The following SUMF1 variants were observed in gnomAD, a reference collection of about 807,000 sequenced individuals.
The protein encoded by SUMF1 is sulfatase modifying factor 1.
Under a neutral mutation model 47.6 loss-of-function variants are expected in SUMF1, and 48 were observed. That is an observed-to-expected ratio of 1.01 (90% CI 0.80 to 1.28). The LOEUF is 1.28. Ranked by LOEUF, SUMF1 falls within the 50% of genes most tolerant of loss-of-function variation. The pLI is 0.00. For synonymous variants in SUMF1, 230 were observed against 192.1 expected (o/e 1.20, Z -1.63); for missense variants, 571 against 485.4 (o/e 1.18, Z -1.66).
chr3:4,315,779 GC>G (rs1168106028), intron 8 of SUMF1, among the ~76,000 whole-genome samples: 4 of 152,016 alleles, frequency 2.6e-5, no homozygotes, highest in Non-Finnish European at 5.9e-5. Context: ...GGGTGCAGTG[GC>G]TCACACCTGT....
In SUMF1 at chr3:4,039,209, A is replaced by ATTTTTTTT. The variant is rs775459424; in HGVS notation, c.1191+29352_1191+29359dup. ...AAGCATGCCTGAAACATCTATGCAA[A>ATTTTTTTT]TTTTTTTTTTTTTTTTTTTTTTTTT... On this transcript the variant is annotated intron_variant and NMD_transcript_variant, in intron 9 of 12. Coordinates refer to the SUMF1 transcript ENST00000448413. 6.5e-3 allele frequency among the ~76,000 whole-genome samples: 255 copies of ATTTTTTTT among 39,488 alleles called. 10 individuals are homozygous for ATTTTTTTT. The highest frequency in any genetic ancestry group is 0.014 in the African/African-American group (186 of 13,278). 25.9% of individuals were successfully genotyped at this position (39,488 alleles called of 152,430 possible).
chr3:4,051,128 A>G (rs1418590117), intron 9 of SUMF1, among the ~76,000 whole-genome samples: 1 of 143,976 alleles, frequency 6.9e-6, no homozygotes, highest in African/African-American at 2.5e-5. Flanking sequence ...GGCAAAAAAA[A>G]GAAAAAAAAA....
At chr3:4,258,978 T>C (rs563325036) in intron 8 of SUMF1, among the ~76,000 whole-genome samples, 16 of 148,806 alleles carry the variant, frequency 1.1e-4, no homozygotes, top group East Asian at 3.9e-4. Context: ...ATGGATGAAA[T>C]TGGAGATCAT....
intron 9 of SUMF1, among the ~76,000 whole-genome samples, chr3:4,054,390 A>G (rs770012332): frequency 5.9e-5 from 9 of 152,154 alleles, no homozygotes; most frequent in Admixed American, 2.6e-4. Flanking sequence ...AAAAATAAAA[A>G]TGAAAACCTT....
At chr3:4,165,224 C>A (rs778700087) in intron 8 of SUMF1, among the ~76,000 whole-genome samples, 1 of 152,142 alleles carries the variant, frequency 6.6e-6, no homozygotes, top group African/African-American at 2.4e-5. Flanking sequence ...AATAGCATGA[C>A]GTCTCTCCAA....
chr3:4,267,608 T>C (rs1411196858), intron 8 of SUMF1, among the ~76,000 whole-genome samples: 2 of 152,010 alleles, frequency 1.3e-5, no homozygotes, highest in Non-Finnish European at 2.9e-5. Flanking sequence ...AAGAAGACAT[T>C]TATGCAGCCA....
chr3:4,291,494 T>C (rs1162898592), intron 8 of SUMF1, among the ~76,000 whole-genome samples: 1 of 152,164 alleles, frequency 6.6e-6, no homozygotes, highest in East Asian at 1.9e-4. Context: ...AAATAATTTA[T>C]GCCTCACTTT....
At chr3:4,175,884 T>A (rs1375693155) in intron 8 of SUMF1, among the ~76,000 whole-genome samples, 1 of 152,040 alleles carries the variant, frequency 6.6e-6, no homozygotes, top group African/African-American at 2.4e-5. Flanking sequence ...GAGAACTTCA[T>A]GACACATGCA....
At chr3:4,081,360 GCTTC>G (rs140306841) in intron 8 of SUMF1, among the ~76,000 whole-genome samples, 3,969 of 152,172 alleles carry the variant, frequency 0.026, 102 homozygotes, top group African/African-American at 0.054. Flanking sequence ...ACTCAGATGG[GCTTC>G]CTGAGAGCAA....
intron 9 of SUMF1, among the ~76,000 whole-genome samples, chr3:4,048,582 C>A (rs891252043): frequency 6.6e-6 from 1 of 151,864 alleles, no homozygotes; most frequent in South Asian, 2.1e-4. Context: ...TTCTTTATAG[C>A]CCCCACCCCA....
intron 8 of SUMF1, among the ~76,000 whole-genome samples, chr3:4,082,226 G>C (rs1018603293): frequency 6.6e-6 from 1 of 151,962 alleles, no homozygotes; most frequent in African/African-American, 2.4e-5. Flanking sequence ...CCAGCATTTT[G>C]GGAGCCCAAG....
intron 9 of SUMF1, among the ~76,000 whole-genome samples, chr3:4,034,537 C>G (rs772806549): frequency 3.9e-5 from 6 of 152,118 alleles, no homozygotes; most frequent in Non-Finnish European, 7.4e-5. Flanking sequence ...TCCTGTCCCT[C>G]TCCCAAAAGC....
chr3:4,244,627 T>C (rs1301862304), intron 8 of SUMF1, among the ~76,000 whole-genome samples: 1 of 152,236 alleles, frequency 6.6e-6, no homozygotes, highest in Admixed American at 6.5e-5. Context: ...AGAGATTTGC[T>C]GTTCGTCTGA....
intron 3 of SUMF1, among the ~76,000 whole-genome samples, chr3:4,420,898 G>C (rs78826496): frequency 6.6e-6 from 1 of 152,234 alleles, no homozygotes; most frequent in East Asian, 1.9e-4. Context: ...AAAAGACCCC[G>C]ATTCAACTTC....
chr3:4,320,174 C>G (rs73119358), intron 8 of SUMF1, among the ~76,000 whole-genome samples: 216 of 152,240 alleles, frequency 1.4e-3, no homozygotes, highest in African/African-American at 4.8e-3. Context: ...GTCAGGGAAT[C>G]ACAGGAATGC....
At chr3:4,091,146 G>C (rs138685548) in intron 8 of SUMF1, among the ~76,000 whole-genome samples, 3,433 of 151,652 alleles carry the variant, frequency 0.023, 63 homozygotes, top group South Asian at 0.088. Flanking sequence ...TAGAAGTTTG[G>C]TGATGTTTTG....
chr3:4,079,476 A>G (rs1186485960), intron 8 of SUMF1, among the ~76,000 whole-genome samples: 1 of 151,958 alleles, frequency 6.6e-6, no homozygotes, highest in Non-Finnish European at 1.5e-5. Flanking sequence ...ATGCTGTCCT[A>G]GCAGTACAGT....
At chr3:4,321,875 A>C (rs1559224927) in intron 8 of SUMF1, among the ~76,000 whole-genome samples, 1 of 152,098 alleles carries the variant, frequency 6.6e-6, no homozygotes, top group African/African-American at 2.4e-5. Flanking sequence ...TACTCTGGGG[A>C]AACTTGACAA....
intron 8 of SUMF1, among the ~76,000 whole-genome samples, chr3:4,239,606 C>T (rs313627): frequency 0.66 from 100,988 of 151,964 alleles, 34,996 homozygotes; most frequent in African/African-American, 0.87. Flanking sequence ...CTTGTGATTT[C>T]TGCACATTGA....
Sources: gnomAD v4.1 joint callset for allele counts (sites outside exome capture counted in the v4.1 genomes callset) on GRCh38, gnomAD v4.1.1 for gene constraint, MANE v1.5 for transcripts, NCBI Gene and HGNC (gene_info 2026-07-23, HGNC 2026-07-21) for gene names.